Variants in VEPH1 observed in about 807,000 individuals in gnomAD.
VEPH1 encodes the protein ventricular zone-expressed PH domain-containing protein homolog 1.
A neutral mutation model predicts 85.2 loss-of-function variants in VEPH1; 80 were observed. That is an observed-to-expected ratio of 0.94 (90% CI 0.78 to 1.13). VEPH1 has a LOEUF of 1.13. Among genes scored for constraint, VEPH1 ranks in the 50% most tolerant of loss-of-function variants. VEPH1 has a pLI of 0.00. For synonymous variants in VEPH1, 297 were observed against 348.0 expected, an observed-to-expected ratio of 0.85 and a Z score of 1.63; for missense variants, 955 against 980.5, an observed-to-expected ratio of 0.97 and a Z score of 0.35.
At chr3:157,282,483 T>C (rs564366848) in intron 12 of VEPH1, among the ~76,000 whole-genome samples, 1 of 152,210 alleles carries the variant, frequency 6.6e-6, no homozygotes, top group Non-Finnish European at 1.5e-5. Context: ...AAGAAGACCT[T>C]CTACTGATGA....
intron 11 of VEPH1, among the ~76,000 whole-genome samples, chr3:157,286,918 GGTTGAGGT>G (rs1716858673): frequency 6.6e-6 from 1 of 152,178 alleles, no homozygotes; most frequent in African/African-American, 2.4e-5. Context: ...TGAGTGTCAG[GGTTGAGGT>G]GTCAGAGCTT....
chr3:157,371,353 A>C (rs1466628993), intron 7 of VEPH1, among the ~76,000 whole-genome samples: 1 of 152,262 alleles, frequency 6.6e-6, no homozygotes, highest in Non-Finnish European at 1.5e-5. Flanking sequence ...CCATGATACA[A>C]GGAAGGGACA....
intron 9 of VEPH1, among the ~76,000 whole-genome samples, chr3:157,326,193 A>G (rs949855457): frequency 2.0e-5 from 3 of 152,152 alleles, no homozygotes; most frequent in African/African-American, 7.2e-5. Context: ...GTATCCTGGG[A>G]TTTAAGCAAA....
rs573355678 is a variant in VEPH1 at position 157,306,979 on chromosome 3, A to G, written c.2010+6642T>C. 2.0e-5 allele frequency among the ~76,000 whole-genome samples: 3 copies of G among 152,156 alleles called. No individual in the cohort carries two copies. In the South Asian group the frequency reaches 6.2e-4, roughly 32 times the overall value. On this transcript the variant is annotated intron_variant, in intron 11 of 13. Transcript: ENST00000362010. ...TTATTTCTGACTTACTTCACTTAGA[A>G]TAATGGCCTCCTGCTCCAGCCAAGT...
rs1464472592 is a variant in VEPH1 at position 157,381,063 on chromosome 3, G to A, written c.1127+93C>T. On this transcript the variant is annotated intron_variant, in intron 7 of 13. Transcript: ENST00000362010. ...ATTCTCTGTTGAGATACAGGTTTTA[G>A]CTTCCTTTGGAAGTTAGAGAGGCTT... is the stretch of plus-strand genomic sequence containing the variant. 3.1e-6 allele frequency: 4 copies of A among 1,293,964 alleles called. No individual in the cohort carries two copies. In the South Asian group the frequency reaches 5.0e-5, roughly 16 times the overall value. 80.2% of individuals were successfully genotyped at this position (1,293,964 alleles called of 1,614,324 possible). A position where few individuals can be genotyped will look rare whatever the true frequency, so the allele number is the denominator to read the frequency against.
chr3:157,500,536 C>A (rs528737772), intron 1 of VEPH1, among the ~76,000 whole-genome samples: 4 of 152,144 alleles, frequency 2.6e-5, no homozygotes, highest in Non-Finnish European at 2.9e-5. Flanking sequence ...GAGAACTATC[C>A]CCTTGAAGAA....
intron 7 of VEPH1, among the ~76,000 whole-genome samples, chr3:157,372,061 T>C (rs921984140): frequency 6.6e-6 from 1 of 152,196 alleles, no homozygotes; most frequent in Non-Finnish European, 1.5e-5. Flanking sequence ...TGTAAGGCAA[T>C]GTGCTCTTCT....
chr3:157,294,050 A>G (rs571991218), intron 11 of VEPH1, among the ~76,000 whole-genome samples: 18 of 152,326 alleles, frequency 1.2e-4, no homozygotes, highest in African/African-American at 4.1e-4. Flanking sequence ...ACTGCCACCT[A>G]CATTCAACAA....
intron 9 of VEPH1, among the ~76,000 whole-genome samples, chr3:157,353,232 CCT>C (rs1725067299): frequency 6.6e-6 from 1 of 151,986 alleles, no homozygotes; most frequent in African/African-American, 2.4e-5. Context: ...TTTCCCCCTC[CCT>C]CTCGCTTTCT....
chr3:157,486,689 T>C (rs573909101), intron 2 of VEPH1, among the ~76,000 whole-genome samples: 1 of 152,264 alleles, frequency 6.6e-6, no homozygotes, highest in East Asian at 1.9e-4. Flanking sequence ...AATAAATATA[T>C]TAATGTGAAA....
intron 4 of VEPH1, among the ~76,000 whole-genome samples, chr3:157,459,219 T>C (rs1211540507): frequency 1.3e-5 from 2 of 152,196 alleles, no homozygotes; most frequent in East Asian, 3.9e-4. Context: ...TCCTGGGACC[T>C]GCATGGCAGT....
chr3:157,290,832 AG>A (rs1228607959), intron 11 of VEPH1, among the ~76,000 whole-genome samples: 4 of 152,208 alleles, frequency 2.6e-5, no homozygotes, highest in Admixed American at 6.5e-5. Context: ...GTCATTAATG[AG>A]GGTAGGAATT....
chr3:157,438,288 G>T (rs1284802505), intron 4 of VEPH1, among the ~76,000 whole-genome samples: 4 of 151,956 alleles, frequency 2.6e-5, no homozygotes, highest in Admixed American at 1.3e-4. Flanking sequence ...CCCTCTTGCC[G>T]CCCAGCTTCC....
chr3:157,324,057 T>C (rs968945247), intron 9 of VEPH1, among the ~76,000 whole-genome samples: 1 of 152,178 alleles, frequency 6.6e-6, no homozygotes, highest in Non-Finnish European at 1.5e-5. Context: ...AGGCAATTTA[T>C]TTATCTGTAT....
At chr3:157,265,111 A>G (rs1280206527) in intron 13 of VEPH1, among the ~76,000 whole-genome samples, 1 of 152,232 alleles carries the variant, frequency 6.6e-6, no homozygotes, top group Non-Finnish European at 1.5e-5. Context: ...TACCTAAAGT[A>G]AATCAGCCTT....
At chr3:157,328,296 T>C (rs1253459151) in intron 9 of VEPH1, among the ~76,000 whole-genome samples, 1 of 152,152 alleles carries the variant, frequency 6.6e-6, no homozygotes, top group Non-Finnish European at 1.5e-5. Flanking sequence ...TTCATTATCA[T>C]GATCACTGTT....
At chr3:157,393,332 A>G (rs1349211874) in intron 6 of VEPH1, among the ~76,000 whole-genome samples, 1 of 152,204 alleles carries the variant, frequency 6.6e-6, no homozygotes, top group Non-Finnish European at 1.5e-5. Context: ...TGCAAATGCT[A>G]TTACCAAATT....
chr3:157,491,834 C>A (rs1739236942), intron 2 of VEPH1, among the ~76,000 whole-genome samples: 1 of 152,024 alleles, frequency 6.6e-6, no homozygotes, highest in South Asian at 2.1e-4. Context: ...AACCTGAATG[C>A]CTTAGCACAT....
intron 12 of VEPH1, among the ~76,000 whole-genome samples, chr3:157,276,142 T>C (rs948107853): frequency 1.3e-5 from 2 of 152,206 alleles, no homozygotes; most frequent in African/African-American, 2.4e-5. Context: ...GGACCAAAAT[T>C]GGACAGCCAA....
Sources: gnomAD v4.1 joint callset for allele counts (sites outside exome capture counted in the v4.1 genomes callset) on GRCh38, gnomAD v4.1.1 for gene constraint, MANE v1.5 for transcripts, NCBI Gene and HGNC (gene_info 2026-07-23, HGNC 2026-07-21) for gene names.